The following PIP4K2A variants were observed in gnomAD, a reference collection of about 807,000 sequenced individuals.
The protein encoded by PIP4K2A is phosphatidylinositol-5-phosphate 4-kinase type 2 alpha, also known as phosphatidylinositol 5-phosphate 4-kinase type-2 alpha.
PIP4K2A carries 14 observed loss-of-function variants against 42.9 expected under a neutral mutation model. The observed-to-expected ratio is 0.33, with a 90% CI of 0.22 to 0.51. The LOEUF is 0.51. Ranked by LOEUF, PIP4K2A falls within the 20% of genes least tolerant of loss-of-function variation. The pLI, the probability that PIP4K2A is intolerant of heterozygous loss-of-function variation, is 0.97. For synonymous variants in PIP4K2A, 192 were observed against 192.2 expected (o/e 1.00, Z 0.01); for missense variants, 434 against 519.8 (o/e 0.83, Z 1.61).
intron 6 of PIP4K2A, among the ~76,000 whole-genome samples, chr10:22,562,586 T>G (rs1167517555): frequency 6.6e-6 from 1 of 152,122 alleles, no homozygotes; most frequent in Non-Finnish European, 1.5e-5. Context: ...TTAATACATT[T>G]CATTTCATCT....
chr10:22,665,925 G>C (rs183762074), intron 1 of PIP4K2A, among the ~76,000 whole-genome samples: 1 of 151,886 alleles, frequency 6.6e-6, no homozygotes, highest in African/African-American at 2.4e-5. Context: ...ATTATCAGAA[G>C]TGGGACTGTG....
Position 22,714,237 on chromosome 10 carries a change from C to G in PIP4K2A, c.90G>C (p.Leu30=). The G allele has an allele frequency of 6.2e-7, 1 of 1,612,392 alleles. No individual in the cohort carries two copies. The highest frequency in any genetic ancestry group is 1.1e-5 in the South Asian group (1 of 90,990). Residue 30 remains leucine (L), a synonymous_variant, in exon 1 of 10, where the codon CTG becomes CTC. Transcript: ENST00000376573. ...TGAGCAGCGGGTCGCTGGCCCGAAA[C>G]AGCTTCACTTTCTGCGCTACGAAGT... is the stretch of plus-strand genomic sequence containing the variant. The part of the protein sequence containing the change: ...KKHFVAQKVK[L]FRASDPLLSV...
intron 6 of PIP4K2A, among the ~76,000 whole-genome samples, chr10:22,562,049 T>C (rs994192556): frequency 6.6e-5 from 10 of 152,168 alleles, no homozygotes; most frequent in African/African-American, 2.4e-4. Flanking sequence ...TTTGATAGCA[T>C]TTAGTAGACT....
intron 4 of PIP4K2A, among the ~76,000 whole-genome samples, chr10:22,574,147 G>C (rs557028386): frequency 2.0e-5 from 3 of 151,556 alleles, no homozygotes; most frequent in South Asian, 4.2e-4. Context: ...CCAAACTCCA[G>C]AGGGCCACAA....
chr10:22,672,275 G>A (rs924528108), intron 1 of PIP4K2A, among the ~76,000 whole-genome samples: 1 of 150,354 alleles, frequency 6.7e-6, no homozygotes, highest in African/African-American at 2.4e-5. Flanking sequence ...CTCTGGGTCG[G>A]GGGGACAGTG....
intron 1 of PIP4K2A, among the ~76,000 whole-genome samples, chr10:22,703,958 A>G (rs780355975): frequency 6.6e-6 from 1 of 152,194 alleles, no homozygotes; most frequent in African/African-American, 2.4e-5. Context: ...GGCCAGTTTA[A>G]GTTATGACAG....
intron 1 of PIP4K2A, among the ~76,000 whole-genome samples, chr10:22,691,223 G>C (rs1292556941): frequency 6.6e-6 from 1 of 152,174 alleles, no homozygotes; most frequent in Non-Finnish European, 1.5e-5. Flanking sequence ...CTCGTCCCCT[G>C]AATAGTTCAG....
intron 1 of PIP4K2A, among the ~76,000 whole-genome samples, chr10:22,674,782 AAAAT>A (rs71395814): frequency 1.5e-4 from 23 of 148,514 alleles, no homozygotes; most frequent in Non-Finnish European, 2.5e-4. Flanking sequence ...TCTCTACCAA[AAAAT>A]AAATAAATAA....
intron 1 of PIP4K2A, among the ~76,000 whole-genome samples, chr10:22,624,994 A>T (rs1838406732): frequency 6.6e-6 from 1 of 152,238 alleles, no homozygotes; most frequent in Admixed American, 6.5e-5. Context: ...TTAAAAGTTT[A>T]AAAACACAAT....
At chr10:22,568,019 G>T in intron 5 of PIP4K2A, 130 bp from the exon 6 acceptor site, 1 of 795,524 alleles carries the variant, frequency 1.3e-6, no homozygotes, top group Non-Finnish European at 2.2e-6. Flanking sequence ...AGCCCATGCG[G>T]AATGGGCTTC....
chr10:22,605,902 G>A (rs1421866055), intron 3 of PIP4K2A, among the ~76,000 whole-genome samples: 2 of 151,170 alleles, frequency 1.3e-5, no homozygotes, highest in Admixed American at 1.3e-4. Flanking sequence ...TTTAGTAATG[G>A]TTCTAAAGTG....
intron 4 of PIP4K2A, among the ~76,000 whole-genome samples, chr10:22,581,948 C>T (rs1417684178): frequency 6.7e-6 from 1 of 149,932 alleles, no homozygotes; most frequent in African/African-American, 2.5e-5. Flanking sequence ...CCCATCTCTA[C>T]AAAAAAAAAT....
intron 6 of PIP4K2A, among the ~76,000 whole-genome samples, chr10:22,556,439 T>C (rs1050141488): frequency 2.0e-5 from 3 of 152,230 alleles, no homozygotes; most frequent in East Asian, 3.8e-4. Flanking sequence ...TATCTTATCA[T>C]AAAAATTGGA....
chr10:22,576,475 G>A (rs1207416289), intron 4 of PIP4K2A, among the ~76,000 whole-genome samples: 1 of 152,114 alleles, frequency 6.6e-6, no homozygotes, highest in Non-Finnish European at 1.5e-5. Flanking sequence ...CCTGAACCAG[G>A]GAGACTGTAG....
intron 1 of PIP4K2A, among the ~76,000 whole-genome samples, chr10:22,695,199 A>G (rs1187834257): frequency 6.6e-6 from 1 of 152,240 alleles, no homozygotes; most frequent in Non-Finnish European, 1.5e-5. Context: ...GCTATCAATA[A>G]TTTTTAACAA....
intron 1 of PIP4K2A, among the ~76,000 whole-genome samples, chr10:22,645,686 A>ATT (rs200780978): frequency 8.3e-5 from 12 of 144,752 alleles, no homozygotes; most frequent in Admixed American, 3.5e-4. Flanking sequence ...ATAGTACTTA[A>ATT]TTTTTTTTTT....
chr10:22,681,599 T>TG (rs573686667), intron 1 of PIP4K2A, among the ~76,000 whole-genome samples: 218 of 152,110 alleles, frequency 1.4e-3, no homozygotes, highest in African/African-American at 5.0e-3. Context: ...GCCTTGAGCC[T>TG]GGGGGGTAGA....
At chr10:22,568,956 G>A (rs1048912482) in intron 5 of PIP4K2A, 2 of 1,355,808 alleles carry the variant, frequency 1.5e-6, no homozygotes, top group African/African-American at 2.9e-5. Flanking sequence ...ACCACCTGAT[G>A]AAAAGACATC....
intron 1 of PIP4K2A, among the ~76,000 whole-genome samples, chr10:22,685,335 G>A (rs1001126025): frequency 6.6e-6 from 1 of 152,030 alleles, no homozygotes; most frequent in Non-Finnish European, 1.5e-5. Flanking sequence ...CAGAAGAGAG[G>A]CGAATCATTA....
Sources: allele counts gnomAD v4.1 joint callset (sites outside exome capture counted in the v4.1 genomes callset), GRCh38; gene constraint gnomAD v4.1.1; transcripts MANE v1.5; gene names NCBI Gene and HGNC (gene_info 2026-07-23, HGNC 2026-07-21).